The following GLIS3 variants were observed in gnomAD, a reference collection of about 807,000 sequenced individuals.
GLIS3 encodes zinc finger protein GLIS3.
In GLIS3, 53 loss-of-function variants were observed where a neutral mutation model predicts 78.6. The observed-to-expected ratio is 0.67, with a 90% CI of 0.54 to 0.85. The LOEUF (loss-of-function observed/expected upper bound fraction) is 0.85, where lower values mean the gene tolerates loss of function less well. Among genes scored for constraint, GLIS3 ranks in the 40% least tolerant of loss-of-function variants. The probability of loss-of-function intolerance (pLI) is 0.00; values close to 1 mark genes in which losing one functional copy is unlikely to be tolerated. For missense variants in GLIS3, 1,703 were observed against 1,231.1 expected (o/e 1.38, Z -5.74); for synonymous variants, 684 against 509.9 (o/e 1.34, Z -4.60).
At chr9:4,081,775 T>G (rs1828571105) in intron 4 of GLIS3, among the ~76,000 whole-genome samples, 1 of 152,194 alleles carries the variant, frequency 6.6e-6, no homozygotes. Context: ...AGTACAATTC[T>G]ATCATAAATT....
intron 4 of GLIS3, among the ~76,000 whole-genome samples, chr9:4,091,912 G>C (rs1005453878): frequency 6.6e-5 from 10 of 152,024 alleles, no homozygotes; most frequent in Non-Finnish European, 1.0e-4. Context: ...AAAAGGTACA[G>C]TAAAAATACC....
At chr9:4,434,085 ACT>A in the GLIS3 span, among the ~76,000 whole-genome samples, 6 of 128,540 alleles carry the variant, frequency 4.7e-5, no homozygotes, top group Non-Finnish European at 9.8e-5. Context: ...ACAGAGTGAG[ACT>A]CTGTCTCAAA....
At chr9:3,926,986 G>C (rs1402845433) in intron 6 of GLIS3, among the ~76,000 whole-genome samples, 1 of 152,204 alleles carries the variant, frequency 6.6e-6, no homozygotes, top group African/African-American at 2.4e-5. Context: ...TCCTCAGAGA[G>C]GCCTTTCCTG....
chr9:3,966,553 T>C (rs1817946446), intron 4 of GLIS3, among the ~76,000 whole-genome samples: 1 of 152,070 alleles, frequency 6.6e-6, no homozygotes, highest in Non-Finnish European at 1.5e-5. Flanking sequence ...CCCAGCACTT[T>C]GGGAGGCTGA....
intron 4 of GLIS3, among the ~76,000 whole-genome samples, chr9:3,969,111 C>G (rs1818181503): frequency 6.6e-6 from 1 of 152,190 alleles, no homozygotes; most frequent in African/African-American, 2.4e-5. Flanking sequence ...TCATTTTTCC[C>G]CTTGTCTGCT....
chr9:4,192,022 C>A, intron 2 of GLIS3, among the ~76,000 whole-genome samples: 1 of 151,626 alleles, frequency 6.6e-6, no homozygotes, highest in Non-Finnish European at 1.5e-5. Context: ...ATTTGATTCT[C>A]AAAAAAGGGC....
chr9:4,001,827 G>T (rs926815808), intron 4 of GLIS3, among the ~76,000 whole-genome samples: 1 of 152,142 alleles, frequency 6.6e-6, no homozygotes, highest in Non-Finnish European at 1.5e-5. Context: ...ATGCCATCTG[G>T]ATACATCTTC....
chr9:3,942,530 G>C (rs1816002047), intron 4 of GLIS3, among the ~76,000 whole-genome samples: 1 of 152,212 alleles, frequency 6.6e-6, no homozygotes, highest in Non-Finnish European at 1.5e-5. Context: ...ACCTTCAAAA[G>C]CTGTAAGTGA....
intron 2 of GLIS3, among the ~76,000 whole-genome samples, chr9:4,194,513 A>C (rs533748269): frequency 1.3e-5 from 2 of 152,246 alleles, no homozygotes; most frequent in Non-Finnish European, 2.9e-5. Flanking sequence ...AAATCTGCCT[A>C]TGTGAGAGGA....
chr9:4,449,577 T>G, the GLIS3 span, among the ~76,000 whole-genome samples: 2 of 152,170 alleles, frequency 1.3e-5, no homozygotes, highest in African/African-American at 4.8e-5. Context: ...TAGGGGCCAA[T>G]TGATACCTCA....
chr9:4,286,932 C>G (rs17717099), intron 1 of GLIS3, among the ~76,000 whole-genome samples: 13,612 of 152,212 alleles, frequency 0.089, 674 homozygotes, highest in African/African-American at 0.14. Flanking sequence ...CTTCAAAGTT[C>G]CAGTAAACAA....
At position 4,250,720 on chromosome 9, in the gene GLIS3, A is replaced by G. The variant is rs1353065978; in HGVS notation, c.388+35318T>C. Among the ~76,000 whole-genome samples, 6 of 152,254 alleles carry G rather than the reference A, an allele frequency of 3.9e-5. No homozygotes were observed. The East Asian group carries it at 1.2e-3, about 29-fold the overall frequency. Reference sequence around the variant, plus strand: ...TGTGATGTTAGGGTGTCAATTTTAAATCTTTCCCACCTTCTTTTGTGGGCA... The same window carrying G: ...TGTGATGTTAGGGTGTCAATTTTAAGTCTTTCCCACCTTCTTTTGTGGGCA... On this transcript the variant is annotated intron_variant, in intron 2 of 10. Coordinates refer to ENST00000381971, the MANE Select transcript of GLIS3 (RefSeq NM_001042413.2).
chr9:3,999,091 A>G (rs908576267), intron 4 of GLIS3, among the ~76,000 whole-genome samples: 2 of 152,136 alleles, frequency 1.3e-5, no homozygotes, highest in East Asian at 3.8e-4. Flanking sequence ...TAGATATCGC[A>G]CCACATCAGC....
intron 2 of GLIS3, among the ~76,000 whole-genome samples, chr9:4,179,834 C>T (rs529583445): frequency 3.1e-4 from 47 of 151,400 alleles, no homozygotes; most frequent in African/African-American, 9.0e-4. Flanking sequence ...CGCTGGAACC[C>T]GGGAGGCAGA....
chr9:4,368,123 T>C, the GLIS3 span, among the ~76,000 whole-genome samples: 1 of 152,212 alleles, frequency 6.6e-6, no homozygotes, highest in Admixed American at 6.5e-5. Context: ...TCTCAAATAA[T>C]GAATAATCCT....
At chr9:3,942,308 A>G (rs968583187) in intron 4 of GLIS3, among the ~76,000 whole-genome samples, 1 of 152,180 alleles carries the variant, frequency 6.6e-6, no homozygotes, top group Non-Finnish European at 1.5e-5. Flanking sequence ...TCCATCAATT[A>G]AGACCAATTA....
At chr9:4,094,675 T>G (rs746042192) in intron 4 of GLIS3, among the ~76,000 whole-genome samples, 2 of 152,180 alleles carry the variant, frequency 1.3e-5, no homozygotes, top group Non-Finnish European at 2.9e-5. Context: ...TAGCCAGTGT[T>G]AAAGGACCAT....
chr9:4,459,735 G>A, the GLIS3 span, among the ~76,000 whole-genome samples: 9 of 152,274 alleles, frequency 5.9e-5, no homozygotes, highest in East Asian at 1.7e-3. Flanking sequence ...GTGAGCCACT[G>A]CAGCCCATGG....
rs16920603 is a variant in GLIS3, at chr9:4,084,480, G to A, written c.1710+33288C>T. ...CGCGTGGTGGAGAAGAAACAGCCAC[G>A]GGAAAGGACTTCACACAAGGAGACG... On this transcript the variant is annotated intron_variant, in intron 4 of 10. Coordinates refer to ENST00000381971, the MANE Select transcript of GLIS3 (RefSeq NM_001042413.2). Among the ~76,000 whole-genome samples the A allele has an allele frequency of 2.3e-3, 345 of 152,232 alleles. 1 individual carries two copies. The highest frequency in any genetic ancestry group is 8.0e-3 in the African/African-American group (332 of 41,542).
Sources: gnomAD v4.1 joint callset for allele counts (sites outside exome capture counted in the v4.1 genomes callset) on GRCh38, gnomAD v4.1.1 for gene constraint, MANE v1.5 for transcripts, NCBI Gene and HGNC (gene_info 2026-07-23, HGNC 2026-07-21) for gene names.